LRBA: variants seen among roughly 807,000 people sequenced by gnomAD.
The protein encoded by LRBA is LPS responsive beige-like anchor protein.
A neutral mutation model predicts 330.0 loss-of-function variants in LRBA; 176 were observed. That is an observed-to-expected ratio of 0.53 (90% confidence interval 0.47 to 0.60). The LOEUF (loss-of-function observed/expected upper bound fraction) is 0.60. Among genes scored for constraint, LRBA ranks in the 20% least tolerant of loss-of-function variants. LRBA has a pLI of 0.00. For synonymous variants in LRBA, 1,230 were observed against 1,193.0 expected (o/e 1.03, Z -0.64); for missense variants, 3,259 against 3,444.8 (o/e 0.95, Z 1.35).
chr4:150,868,364 G>T, intron 20 of LRBA, 59 bp from the exon 21 acceptor site: 1 of 1,280,534 alleles, frequency 7.8e-7, no homozygotes, highest in Non-Finnish European at 1.1e-6. Context: ...CATGATAGAA[G>T]GTCATCCATC....
At chr4:150,953,631 C>T (rs542639959) in intron 2 of LRBA, among the ~76,000 whole-genome samples, 13 of 152,172 alleles carry the variant, frequency 8.5e-5, no homozygotes, top group Non-Finnish European at 1.8e-4. Context: ...CCCGAGGTGC[C>T]GGGATTGCAG....
intron 22 of LRBA, among the ~76,000 whole-genome samples, chr4:150,862,229 C>T (rs1370717539): frequency 7.9e-5 from 12 of 152,152 alleles, no homozygotes; most frequent in East Asian, 7.7e-4. Flanking sequence ...CACATGCACA[C>T]GTATGTTTAT....
chr4:150,305,640 T>C (rs1490298887), intron 52 of LRBA, among the ~76,000 whole-genome samples: 2 of 152,258 alleles, frequency 1.3e-5, no homozygotes, highest in African/African-American at 4.8e-5. Context: ...AATAACAAGA[T>C]AGAACAAATT....
chr4:150,665,323 C>G (rs1781469156), intron 37 of LRBA, among the ~76,000 whole-genome samples: 1 of 152,276 alleles, frequency 6.6e-6, no homozygotes, highest in East Asian at 1.9e-4. Flanking sequence ...ATCGTTTGGA[C>G]AAACAGTCTA....
chr4:150,287,925 T>A (rs1305111977), intron 53 of LRBA, among the ~76,000 whole-genome samples: 2 of 152,160 alleles, frequency 1.3e-5, no homozygotes, highest in Non-Finnish European at 2.9e-5. Context: ...TTGGGAAAAT[T>A]TTAAAGAAAT....
At chr4:150,756,700 T>A (rs1734361968) in intron 35 of LRBA, among the ~76,000 whole-genome samples, 1 of 152,174 alleles carries the variant, frequency 6.6e-6, no homozygotes, top group Non-Finnish European at 1.5e-5. Context: ...ACACCACATC[T>A]AAATTTAGTA....
At chr4:150,751,464 T>C (rs1393879749) in intron 35 of LRBA, among the ~76,000 whole-genome samples, 1 of 152,036 alleles carries the variant, frequency 6.6e-6, no homozygotes, top group African/African-American at 2.4e-5. Flanking sequence ...AAGGGGTCAA[T>C]TTTTCTTATC....
intron 44 of LRBA, among the ~76,000 whole-genome samples, chr4:150,440,116 T>G (rs1250125176): frequency 1.3e-5 from 2 of 152,144 alleles, no homozygotes; most frequent in Admixed American, 1.3e-4. Context: ...TAGAGCTTAC[T>G]GTACAATGTA....
chr4:150,917,391 T>C (rs746374510), intron 5 of LRBA, among the ~76,000 whole-genome samples: 1 of 151,912 alleles, frequency 6.6e-6, no homozygotes. Context: ...AATTGGAAAT[T>C]TGATGAAATT....
rs1784531462 is a variant in LRBA at position 150,695,378 on chromosome 4, A to C, written c.5755-11661T>G. ...CACTCTGACACCTAGGCTGGAGTGCAGTGACATGATCACAACTCACTGCAG... is the reference window on the plus strand; with the variant it reads ...CACTCTGACACCTAGGCTGGAGTGCCGTGACATGATCACAACTCACTGCAG... On this transcript the variant is annotated intron_variant, in intron 36 of 56. Coordinates refer to ENST00000651943, the MANE Select transcript of LRBA (RefSeq NM_001364905.1). Among the ~76,000 whole-genome samples, 3 of 152,188 alleles carry C rather than the reference A, an allele frequency of 2.0e-5. No individual in the cohort carries two copies. In the South Asian group the frequency reaches 6.2e-4, roughly 32 times the overall value.
intron 15 of LRBA, among the ~76,000 whole-genome samples, chr4:150,897,164 C>G (rs1730180494): frequency 6.6e-6 from 1 of 151,786 alleles, no homozygotes; most frequent in African/African-American, 2.4e-5. Context: ...TTGCCATAAT[C>G]TTATGTGACA....
chr4:150,814,603 T>G (rs545964781), intron 31 of LRBA, among the ~76,000 whole-genome samples: 10 of 150,640 alleles, frequency 6.6e-5, no homozygotes, highest in African/African-American at 1.7e-4. Context: ...CAAGGAAGAC[T>G]TGAAATAACT....
chr4:150,953,986 AGGTAAGGAGCGTCTC>A (rs1737196265), intron 2 of LRBA, among the ~76,000 whole-genome samples: 1 of 135,340 alleles, frequency 7.4e-6, no homozygotes, highest in Non-Finnish European at 1.6e-5. Context: ...CCCGTCTGGG[AGGTAAGGAGCGTCTC>A]TGACCGGCCA....
intron 35 of LRBA, among the ~76,000 whole-genome samples, chr4:150,750,519 G>A (rs1217147745): frequency 6.6e-6 from 1 of 152,080 alleles, no homozygotes; most frequent in Non-Finnish European, 1.5e-5. Context: ...TGTAGAGACA[G>A]GGGTCTTGCT....
intron 48 of LRBA, among the ~76,000 whole-genome samples, chr4:150,333,539 T>C (rs528608307): frequency 2.0e-5 from 3 of 152,312 alleles, no homozygotes; most frequent in Non-Finnish European, 4.4e-5. Context: ...CAAGACTTCA[T>C]AGATTAAATT....
intron 48 of LRBA, among the ~76,000 whole-genome samples, chr4:150,345,092 C>T (rs1736106873): frequency 6.6e-6 from 1 of 152,156 alleles, no homozygotes; most frequent in South Asian, 2.1e-4. Flanking sequence ...GGAAAACATG[C>T]CTGGATTCTG....
intron 48 of LRBA, among the ~76,000 whole-genome samples, chr4:150,340,638 A>G (rs1735396320): frequency 6.6e-6 from 1 of 152,134 alleles, no homozygotes; most frequent in Non-Finnish European, 1.5e-5. Flanking sequence ...CCCAGCTTAA[A>G]GTGCTTTTCA....
chr4:150,579,277 C>A, intron 40 of LRBA: 1 of 456,596 alleles, frequency 2.2e-6, no homozygotes, highest in Non-Finnish European at 4.4e-6. Context: ...ATACCGTTTC[C>A]CCCTTCAATT....
At chr4:150,391,061 A>G (rs2151908316) in intron 47 of LRBA, among the ~76,000 whole-genome samples, 1 of 152,262 alleles carries the variant, frequency 6.6e-6, no homozygotes, top group East Asian at 1.9e-4. Flanking sequence ...CCAGGTGATG[A>G]CATTTTAGAA....
Sources: gnomAD v4.1 joint callset for allele counts (sites outside exome capture counted in the v4.1 genomes callset) on GRCh38, gnomAD v4.1.1 for gene constraint, MANE v1.5 for transcripts, NCBI Gene and HGNC (gene_info 2026-07-23, HGNC 2026-07-21) for gene names.